PCDHGA5: variants seen among roughly 807,000 people sequenced by gnomAD.
The protein encoded by PCDHGA5 is protocadherin gamma-A5.
In PCDHGA5, 36 loss-of-function variants were observed where a neutral mutation model predicts 56.7. The observed-to-expected ratio is 0.64, with a 90% CI of 0.49 to 0.84. The LOEUF is 0.84. Among genes scored for constraint, PCDHGA5 ranks in the 40% least tolerant of loss-of-function variants. PCDHGA5 has a pLI of 0.00. For synonymous variants in PCDHGA5, 563 were observed against 520.2 expected (o/e 1.08, Z -1.12); for missense variants, 1,305 against 1,201.5 (o/e 1.09, Z -1.27).
chr5:141,389,871 G>C (rs199638280), intron 1 of PCDHGA5: 297 of 1,614,056 alleles, frequency 1.8e-4, no homozygotes, highest in Non-Finnish European at 2.3e-4. Context: ...CCTGGTCTTC[G>C]CCGACAGCTT....
intron 1 of PCDHGA5, chr5:141,441,116 C>G (rs1358636787): frequency 3.3e-5 from 5 of 152,156 alleles, no homozygotes; most frequent in Non-Finnish European, 7.3e-5. Context: ...GTCCAGTGTA[C>G]AGTTGAGACC....
intron 1 of PCDHGA5, chr5:141,424,482 T>C (rs779975685): frequency 1.3e-5 from 2 of 152,216 alleles, no homozygotes; most frequent in Non-Finnish European, 2.9e-5. Context: ...TACTTTGGTG[T>C]CTGTGTTTGT....
At position 141,379,889 on chromosome 5, in the gene PCDHGA5, C is replaced by CTTTTTTTTTTTTT. The variant is rs70988800; in HGVS notation, c.2421+13156_2421+13168dup. Among the ~76,000 whole-genome samples, 110 of 50,830 alleles carry CTTTTTTTTTTTTT rather than the reference C, an allele frequency of 2.2e-3. 13 individuals carry two copies. Among genetic ancestry groups the CTTTTTTTTTTTTT allele is most frequent in the African/African-American group, 3.3e-3 (50 of 15,082 alleles). 33.3% of individuals were successfully genotyped at this position (50,830 alleles called of 152,430 possible). ...CTTATTTTATGGTCTGTGAAAGCCTCTTTTTTTTTTTTTTTTTTTTTTTTT... is the reference window on the plus strand; with the variant it reads ...CTTATTTTATGGTCTGTGAAAGCCTCTTTTTTTTTTTTTTTTTTTTTTTTTTTTTTTTTTTTTT... On this transcript the variant is annotated intron_variant, in intron 1 of 3. Transcript: ENST00000518069.
At position 141,432,252 on chromosome 5, in the gene PCDHGA5, G is replaced by A. The variant is rs749107567; in HGVS notation, c.2422-62555G>A. 3.7e-6 allele frequency: 6 copies of A among 1,614,220 alleles called. No homozygotes were observed. The highest frequency in any genetic ancestry group is 5.1e-6 in the Non-Finnish European group (6 of 1,180,042). ...TCCCTGGCTGAGAACACCATCCAAG[G>A]GGCAAGCCTATCGTCCTACGTGTCC... On this transcript the variant is annotated intron_variant, in intron 1 of 3. Coordinates refer to ENST00000518069, the MANE Select transcript of PCDHGA5 (RefSeq NM_018918.3). The surrounding 1 kb of genome is among the most constrained non-coding windows in gnomAD (Gnocchi z 6.0).
At chr5:141,457,568 T>A (rs1397626206) in intron 1 of PCDHGA5, among the ~76,000 whole-genome samples, 1 of 152,190 alleles carries the variant, frequency 6.6e-6, no homozygotes, top group African/African-American at 2.4e-5. Context: ...TGGAGCAAAA[T>A]TTTTCTCTCC....
intron 1 of PCDHGA5, chr5:141,394,793 C>T (rs1178290546): frequency 1.1e-5 from 17 of 1,613,654 alleles, no homozygotes; most frequent in African/African-American, 2.7e-5. Flanking sequence ...CTGTCACGCT[C>T]ACCGTAGCCG....
chr5:141,414,466 G>A, intron 1 of PCDHGA5: 1 of 1,613,872 alleles, frequency 6.2e-7, no homozygotes, highest in Non-Finnish European at 8.5e-7. Flanking sequence ...AGCCACAGAT[G>A]GGGGAAGTCC....
chr5:141,394,321 C>T lies in PCDHGA5; in HGVS notation c.2421+27570C>T, dbSNP rs11575959. ...ACGCTGCAGGGGGCGCCCCTGTCCT[C>T]GTATATCTCCATCAACTCTGACACC... On this transcript the variant is annotated intron_variant, in intron 1 of 3. Coordinates refer to ENST00000518069, the MANE Select transcript of PCDHGA5 (RefSeq NM_018918.3). 25 of 1,613,846 alleles carry T rather than the reference C, an allele frequency of 1.5e-5. No homozygotes were observed. The Admixed American group carries it at 2.7e-4, about 17-fold the overall frequency.
chr5:141,472,980 C>CAAAAAAAAAAAAAAAAAAAAA (rs60579131), intron 1 of PCDHGA5, among the ~76,000 whole-genome samples: 3 of 86,094 alleles, frequency 3.5e-5, no homozygotes, highest in Non-Finnish European at 5.0e-5. Context: ...GAGTGAAACT[C>CAAAAAAAAAAAAAAAAAAAAA]AAAAAAAAAA....
At chr5:141,389,896 C>T (rs1398944326) in intron 1 of PCDHGA5, 1 of 1,614,076 alleles carries the variant, frequency 6.2e-7, no homozygotes, top group Non-Finnish European at 8.5e-7. Flanking sequence ...GAGGTGCTGC[C>T]GGATATCACT....
chr5:141,382,720 T>C (rs894143659), intron 1 of PCDHGA5: 7 of 480,002 alleles, frequency 1.5e-5, no homozygotes, highest in African/African-American at 1.4e-4. Flanking sequence ...AACCACCGAG[T>C]TTTACAGCAC....
chr5:141,370,485 GA>G, intron 1 of PCDHGA5: 1 of 1,613,916 alleles, frequency 6.2e-7, no homozygotes, highest in South Asian at 1.1e-5. Flanking sequence ...GGCTCTCTCC[GA>G]ACCGATCCGC....
chr5:141,425,812 G>GA (rs574320012), intron 1 of PCDHGA5, among the ~76,000 whole-genome samples: 9 of 152,054 alleles, frequency 5.9e-5, no homozygotes, highest in South Asian at 4.1e-4. Flanking sequence ...CTTCTGCTTA[G>GA]AAAAAAACAA....
At chr5:141,428,188 G>T in intron 1 of PCDHGA5, 1 of 1,433,356 alleles carries the variant, frequency 7.0e-7, no homozygotes. Flanking sequence ...GACAGCCGCC[G>T]CTCTCTGCGC....
chr5:141,436,817 TA>T (rs1431750380), intron 1 of PCDHGA5, among the ~76,000 whole-genome samples: 1 of 152,244 alleles, frequency 6.6e-6, no homozygotes, highest in Non-Finnish European at 1.5e-5. Context: ...ACAGCTGGTT[TA>T]AAAATCTTAA....
At chr5:141,394,923 T>G in intron 1 of PCDHGA5, 2 of 1,613,816 alleles carry the variant, frequency 1.2e-6, no homozygotes, top group Non-Finnish European at 8.5e-7. Context: ...CTCCTGTGTC[T>G]TCCTCGCCTT....
intron 1 of PCDHGA5, chr5:141,399,859 G>T: frequency 1.2e-6 from 2 of 1,612,844 alleles, no homozygotes; most frequent in Non-Finnish European, 1.7e-6. Context: ...GCCGCGCGCT[G>T]CAGAGCCCGG....
chr5:141,434,964 T>C (rs2154556462), intron 1 of PCDHGA5, among the ~76,000 whole-genome samples: 1 of 152,004 alleles, frequency 6.6e-6, no homozygotes, highest in East Asian at 1.9e-4. Context: ...ATTTATAAAA[T>C]TACTTTGTTA....
chr5:141,474,321 A>G (rs75620387), intron 1 of PCDHGA5, among the ~76,000 whole-genome samples: 2,046 of 152,326 alleles, frequency 0.013, 15 homozygotes, highest in Middle Eastern at 0.034. Context: ...GTGTTTTCAA[A>G]TCACCCTGAT....
Sources: gnomAD v4.1 joint callset for allele counts (sites outside exome capture counted in the v4.1 genomes callset) on GRCh38, gnomAD v4.1.1 for gene constraint, Gnocchi (gnomAD v3.1) non-coding constraint, MANE v1.5 for transcripts, NCBI Gene and HGNC (gene_info 2026-07-23, HGNC 2026-07-21) for gene names.